The following RBBP8 variants were observed in gnomAD, a reference collection of about 807,000 sequenced individuals.
RBBP8 encodes DNA endonuclease RBBP8.
RBBP8 carries 88 observed loss-of-function variants against 108.3 expected under a neutral mutation model. That is an observed-to-expected ratio of 0.81 (90% confidence interval 0.68 to 0.97). The LOEUF (loss-of-function observed/expected upper bound fraction) is 0.97. RBBP8 is among the 50% of genes least tolerant of loss of function. RBBP8 has a pLI of 0.00. For missense variants in RBBP8, 1,023 were observed against 1,049.0 expected (o/e 0.98, Z 0.34); for synonymous variants, 332 against 348.2 (o/e 0.95, Z 0.52).
At chr18:22,920,792 G>A (rs534522264) in intron 3 of RBBP8, 19 of 152,258 alleles carry the variant, frequency 1.2e-4, no homozygotes, top group Admixed American at 3.3e-4. Flanking sequence ...AATGCAGATC[G>A]ATAACTCCAT....
chr18:22,948,366 ATATTT>A (rs1387219248), intron 3 of RBBP8, among the ~76,000 whole-genome samples: 5 of 151,882 alleles, frequency 3.3e-5, no homozygotes, highest in Admixed American at 1.3e-4. Context: ...GTAGTAGGAA[ATATTT>A]TATTTATTTA....
rs144941937 is a variant in RBBP8, at chr18:23,013,521, G to T, written c.2358-3307G>T. ...TTTATAATAGTAATATCATTTGTAT[G>T]TAGGAGCAATTGAGGTTAGAAATCC... On this transcript the variant is annotated intron_variant, in intron 16 of 18. Coordinates refer to ENST00000327155, the MANE Select transcript of RBBP8 (RefSeq NM_002894.3). Among the ~76,000 whole-genome samples the T allele has an allele frequency of 3.3e-3, 502 of 152,320 alleles. 1 individual carries two copies. Among genetic ancestry groups the T allele is most frequent in the South Asian group, 5.2e-3 (25 of 4,826 alleles).
intron 4 of RBBP8, among the ~76,000 whole-genome samples, chr18:22,954,058 G>A (rs1257589596): frequency 6.6e-6 from 1 of 151,862 alleles, no homozygotes; most frequent in Non-Finnish European, 1.5e-5. Context: ...CCCACAGTTG[G>A]GACTGTGGGA....
At chr18:22,943,305 G>A (rs1373735283) in intron 2 of RBBP8, among the ~76,000 whole-genome samples, 1 of 152,060 alleles carries the variant, frequency 6.6e-6, no homozygotes, top group African/African-American at 2.4e-5. Flanking sequence ...TAGGCATGGT[G>A]GTGTGTGCCT....
rs1281289508 is a variant in RBBP8 at position 22,993,364 on chromosome 18, A to G, written c.1537A>G (p.Lys513Glu). The change falls in exon 11 of 19, where the codon AAA (lysine) becomes GAA (glutamate). Residue 513 changes from lysine to glutamate, a missense_variant. Physicochemically the swap from Lys to Glu is moderately conservative, Grantham distance 56 (BLOSUM62 1). Transcript: ENST00000327155. Reference sequence around the variant, plus strand: ...GAAAAGCCAAGGAAGTGAGACTTCTAAAAACAAATTTAGGCAAGTGACTCT... The same window carrying G: ...GAAAAGCCAAGGAAGTGAGACTTCTGAAAACAAATTTAGGCAAGTGACTCT... ...QEKSQGSETSKNKFRQVTLYE... is the reference protein window; with the variant it reads ...QEKSQGSETSENKFRQVTLYE... 3 of 1,614,254 alleles carry G rather than the reference A, an allele frequency of 1.9e-6. No homozygotes were observed. The highest frequency in any genetic ancestry group is 4.5e-5 in the East Asian group (2 of 44,890).
intron 16 of RBBP8, among the ~76,000 whole-genome samples, chr18:23,010,711 C>T (rs2046142988): frequency 6.6e-6 from 1 of 151,992 alleles, no homozygotes; most frequent in African/African-American, 2.4e-5. Flanking sequence ...AGCTGGAGAA[C>T]AAGAGGTGAA....
intron 1 of RBBP8, among the ~76,000 whole-genome samples, chr18:22,936,108 AT>A (rs200457331): frequency 3.3e-5 from 5 of 149,490 alleles, no homozygotes; most frequent in Admixed American, 6.7e-5. Context: ...AAAAAAACCA[AT>A]TTTTTTTTTT....
rs759645053 is a variant in RBBP8, at chr18:22,968,263, G to A, written c.249-543G>A. On this transcript the variant is annotated intron_variant, in intron 4 of 18. Transcript: ENST00000327155. ...AATTTTTGTATTTTTTAGTAGAGAC[G>A]GTGTTTACTGTATTGGCCAGGCTGG... 2.0e-4 allele frequency among the ~76,000 whole-genome samples: 30 copies of A among 151,776 alleles called. No individual in the cohort carries two copies. In the South Asian group the frequency reaches 4.0e-3, roughly 20 times the overall value.
intron 5 of RBBP8, among the ~76,000 whole-genome samples, chr18:22,973,970 A>G (rs1284159135): frequency 6.6e-6 from 1 of 152,178 alleles, no homozygotes; most frequent in Non-Finnish European, 1.5e-5. Flanking sequence ...CACTGTCTAT[A>G]TCTTAATTTT....
intron 17 of RBBP8, among the ~76,000 whole-genome samples, chr18:23,017,160 G>C (rs1374098715): frequency 6.6e-6 from 1 of 151,058 alleles, no homozygotes. Context: ...ATCGAGACTG[G>C]CCTGGCCAAC....
At chr18:22,942,616 T>G (rs1269304269) in intron 2 of RBBP8, among the ~76,000 whole-genome samples, 1 of 152,140 alleles carries the variant, frequency 6.6e-6, no homozygotes, top group Non-Finnish European at 1.5e-5. Context: ...TGACAAATGC[T>G]GCTAGTATCA....
intron 18 of RBBP8, among the ~76,000 whole-genome samples, chr18:23,023,557 A>C (rs2046406786): frequency 6.6e-6 from 1 of 152,220 alleles, no homozygotes; most frequent in Non-Finnish European, 1.5e-5. Flanking sequence ...TACCAAAATT[A>C]AGTTAGTTGG....
intron 3 of RBBP8, 53 bp downstream of exon 3, chr18:22,946,539 A>G (rs1293892101): frequency 6.2e-7 from 1 of 1,604,540 alleles, no homozygotes; most frequent in African/African-American, 1.3e-5. Context: ...GTTGATACTG[A>G]TGTCCAATTT....
chr18:23,023,829 G>GCT (rs1358118328), intron 18 of RBBP8, among the ~76,000 whole-genome samples: 1 of 149,044 alleles, frequency 6.7e-6, no homozygotes, highest in Admixed American at 6.7e-5. Flanking sequence ...TTCCAGAGGA[G>GCT]CTCATAAGAG....
chr18:22,999,365 G>A (rs976068551), intron 14 of RBBP8, among the ~76,000 whole-genome samples: 2 of 152,198 alleles, frequency 1.3e-5, no homozygotes, highest in Non-Finnish European at 2.9e-5. Flanking sequence ...TGGGCAGCTG[G>A]AGAGTGAATT....
chr18:22,994,012 T>TTC (rs1262735908), intron 12 of RBBP8, among the ~76,000 whole-genome samples, 165 bp downstream of exon 12: 1 of 110,836 alleles, frequency 9.0e-6, no homozygotes, highest in East Asian at 2.8e-4. Flanking sequence ...GATTTTTCTG[T>TTC]TCTTTTTTTT....
At chr18:22,997,127 T>C (rs919761041) in intron 13 of RBBP8, among the ~76,000 whole-genome samples, 1 of 152,272 alleles carries the variant, frequency 6.6e-6, no homozygotes, top group African/African-American at 2.4e-5. Flanking sequence ...TGACTATTTT[T>C]AAAAGTTAAA....
chr18:22,917,201 C>T (rs1305282949), intron 3 of RBBP8, among the ~76,000 whole-genome samples: 3 of 152,152 alleles, frequency 2.0e-5, no homozygotes, highest in African/African-American at 7.2e-5. Context: ...TAAAATCCTA[C>T]CTGGAAAATG....
intron 5 of RBBP8, among the ~76,000 whole-genome samples, chr18:22,972,462 GGAGTGCAGT>G (rs1290461516): frequency 1.4e-5 from 2 of 147,134 alleles, no homozygotes; most frequent in East Asian, 4.0e-4. Context: ...CTCCTAGGCT[GGAGTGCAGT>G]GATGCTATCT....
Sources: gnomAD v4.1 joint callset for allele counts (sites outside exome capture counted in the v4.1 genomes callset) on GRCh38, gnomAD v4.1.1 for gene constraint, MANE v1.5 for transcripts, NCBI Gene and HGNC (gene_info 2026-07-23, HGNC 2026-07-21) for gene names.